The following ACOX3 variants were observed in gnomAD, a reference collection of about 807,000 sequenced individuals.
ACOX3 encodes peroxisomal acyl-coenzyme A oxidase 3.
ACOX3 carries 73 observed loss-of-function variants against 81.5 expected under a neutral mutation model. The observed-to-expected ratio is 0.90, with a 90% confidence interval of 0.74 to 1.09. The LOEUF (loss-of-function observed/expected upper bound fraction) is 1.09, where lower values mean the gene tolerates loss of function less well. Among genes scored for constraint, ACOX3 ranks in the 50% least tolerant of loss-of-function variants. ACOX3 has a pLI of 0.00. For synonymous variants in ACOX3, 387 were observed against 375.1 expected (o/e 1.03, Z -0.37); for missense variants, 947 against 928.0 (o/e 1.02, Z -0.27).
In ACOX3 at chr4:8,389,477, A is replaced by C. The variant is rs935470341; in HGVS notation, c.1423+135T>G. 4 of 1,457,804 alleles carry C rather than the reference A, an allele frequency of 2.7e-6. No homozygotes were observed. In the Admixed American group the frequency reaches 7.4e-5, roughly 27 times the overall value. The allele number at this position is 1,457,804 out of a possible 1,614,324, so 90.3% of individuals were successfully genotyped here. A position where few individuals can be genotyped will look rare whatever the true frequency, so the allele number is the denominator to read the frequency against. ...CCCATGCCTTGGGGAGTTGGTCGGC[A>C]CTATCTAATAACATTTCTTTCCTTC... is the stretch of plus-strand genomic sequence containing the variant. On this transcript the variant is annotated intron_variant, in intron 12 of 17. Coordinates refer to ENST00000356406, the MANE Select transcript of ACOX3 (RefSeq NM_003501.3). The surrounding 1 kb of genome is among the most constrained non-coding windows in gnomAD (Gnocchi z 5.3).
chr4:8,361,996 G>C (rs981693146), downstream of ACOX3, among the ~76,000 whole-genome samples: 1 of 152,134 alleles, frequency 6.6e-6, no homozygotes, highest in African/African-American at 2.4e-5. Flanking sequence ...TAAAATCATT[G>C]CATGCCACAA....
intron 5 of ACOX3, among the ~76,000 whole-genome samples, chr4:8,411,531 C>T (rs1302156359): frequency 6.6e-6 from 1 of 152,188 alleles, no homozygotes; most frequent in African/African-American, 2.4e-5. Flanking sequence ...GCCAGGCCCT[C>T]CCCATTCATT....
chr4:8,357,802 C>T, the ACOX3 span: 1 of 167,138 alleles, frequency 6.0e-6, no homozygotes, highest in African/African-American at 2.4e-5. Context: ...CCACAGACAA[C>T]ACTTTCACAT....
intron 7 of ACOX3, among the ~76,000 whole-genome samples, chr4:8,402,859 C>T (rs1282338601): frequency 1.3e-5 from 2 of 152,212 alleles, no homozygotes; most frequent in African/African-American, 2.4e-5. Context: ...ACACACCCCG[C>T]GCCCTGGACA....
At chr4:8,429,636 C>T (rs553769014) in intron 1 of ACOX3, among the ~76,000 whole-genome samples, 7 of 152,232 alleles carry the variant, frequency 4.6e-5, no homozygotes, top group African/African-American at 1.4e-4. Flanking sequence ...GTCTGGCTCT[C>T]TTAGCGAAGG....
rs114416797 is a variant in ACOX3, at chr4:8,403,945, G to A, written c.776+2010C>T. 7.0e-3 allele frequency among the ~76,000 whole-genome samples: 1,065 copies of A among 152,288 alleles called. 15 individuals carry two copies. Among genetic ancestry groups the A allele is most frequent in the African/African-American group, 0.025 (1,019 of 41,560 alleles). ...GGTGGAGATGCCTGTCGGGCCTTAC[G>A]TGCACACATAGGACACTTCAGTAGA... On this transcript the variant is annotated intron_variant, in intron 7 of 17. Transcript: ENST00000356406.
rs1391921794 is a variant in ACOX3 at position 8,430,747 on chromosome 4, T to C, written c.-15+9901A>G. On this transcript the variant is annotated intron_variant, in intron 1 of 17. Transcript: ENST00000356406. This position sits in a 1 kb window ranked among gnomAD's most constrained non-coding sequence, Gnocchi z 5.2. ...GGCGGGCGCCTGTAATCCCAGCTAC[T>C]TGGGAGGCTGAGGCAAGAGAATCGC... 1.3e-5 allele frequency among the ~76,000 whole-genome samples: 2 copies of C among 152,072 alleles called. No homozygotes were observed. The highest frequency in any genetic ancestry group is 2.4e-5 in the African/African-American group (1 of 41,390).
chr4:8,411,591 A>T (rs1721732926), intron 5 of ACOX3, among the ~76,000 whole-genome samples: 1 of 152,200 alleles, frequency 6.6e-6, no homozygotes, highest in Non-Finnish European at 1.5e-5. Context: ...CATTCTCCGC[A>T]GTGCAGGTGT....
At chr4:8,421,456 C>G (rs11724408) in intron 1 of ACOX3, among the ~76,000 whole-genome samples, 1 of 152,162 alleles carries the variant, frequency 6.6e-6, no homozygotes, top group African/African-American at 2.4e-5. Flanking sequence ...CGGTCAAGAT[C>G]ATGGCGCAGC....
chr4:8,371,057 TAAC>T, intron 16 of ACOX3, 63 bp from the exon 17 acceptor site: 2 of 1,513,448 alleles, frequency 1.3e-6, no homozygotes, highest in South Asian at 2.3e-5. Context: ...GACCAAAGCA[TAAC>T]AGCCCCGTGT....
chr4:8,404,015 C>T lies in ACOX3; in HGVS notation c.776+1940G>A, dbSNP rs115081293. Among the ~76,000 whole-genome samples, 587 of 152,236 alleles carry T rather than the reference C, an allele frequency of 3.9e-3. 4 individuals are homozygous for T. The highest frequency in any genetic ancestry group is 0.014 in the African/African-American group (571 of 41,532). On this transcript the variant is annotated intron_variant, in intron 7 of 17. Coordinates refer to ENST00000356406, the MANE Select transcript of ACOX3 (RefSeq NM_003501.3). Reference sequence around the variant, plus strand: ...CTGCAGAGCCCTGAAAGGGATCAGCCGGGTCTAATAAAAGGATGCAGATTC... The same window carrying T: ...CTGCAGAGCCCTGAAAGGGATCAGCTGGGTCTAATAAAAGGATGCAGATTC...
At chr4:8,387,516 T>G (rs912858678) in intron 13 of ACOX3, among the ~76,000 whole-genome samples, 1 of 152,180 alleles carries the variant, frequency 6.6e-6, no homozygotes, top group Admixed American at 6.5e-5. Context: ...GGTGGCAAAG[T>G]GAAGACATTC....
intron 17 of ACOX3, among the ~76,000 whole-genome samples, chr4:8,367,990 T>TA (rs1232862672): frequency 3.5e-5 from 5 of 143,984 alleles, no homozygotes; most frequent in Non-Finnish European, 3.0e-5. Flanking sequence ...AGATCCTATC[T>TA]CAAAAAAAAA....
the ACOX3 span, among the ~76,000 whole-genome samples, chr4:8,358,950 C>T: frequency 6.6e-3 from 1,007 of 152,164 alleles, 10 homozygotes; most frequent in African/African-American, 0.023. Context: ...TTCTTTCTTG[C>T]GTGAGATCCA....
chr4:8,389,107 G>T lies in ACOX3; in HGVS notation c.1537+66C>A, dbSNP rs1718655732. On this transcript the variant is annotated intron_variant, in intron 13 of 17. Transcript: ENST00000356406. The surrounding 1 kb of genome is among the most constrained non-coding windows in gnomAD (Gnocchi z 5.3). ...CCAAGGGTCCCCTCACCGAGGCACGGTGCGTTTCCTGGTGGGAATGACAGG... is the reference window on the plus strand; with the variant it reads ...CCAAGGGTCCCCTCACCGAGGCACGTTGCGTTTCCTGGTGGGAATGACAGG... The T allele has an allele frequency of 2.9e-6, 4 of 1,382,252 alleles. No individual in the cohort carries two copies. The East Asian group carries it at 9.3e-5, about 32-fold the overall frequency. 85.6% of individuals were successfully genotyped at this position (1,382,252 alleles called of 1,614,324 possible). A position where few individuals can be genotyped will look rare whatever the true frequency, so the allele number is the denominator to read the frequency against.
At chr4:8,435,272 C>T (rs560074155) in intron 1 of ACOX3, among the ~76,000 whole-genome samples, 113 of 152,252 alleles carry the variant, frequency 7.4e-4, no homozygotes, top group African/African-American at 9.6e-4. Flanking sequence ...GGGCAGATCA[C>T]GAGGTCAGGA....
chr4:8,357,685 C>G, the ACOX3 span: 4 of 263,252 alleles, frequency 1.5e-5, no homozygotes, highest in African/African-American at 8.9e-5. Flanking sequence ...TACACCTCAA[C>G]CTACTCCACT....
chr4:8,390,108 C>A (rs62286008), intron 11 of ACOX3, among the ~76,000 whole-genome samples: 43,431 of 128,454 alleles, frequency 0.34, 10,123 homozygotes, highest in African/African-American at 0.65. Flanking sequence ...GTCTCAACAA[C>A]AACAACAACA....
At chr4:8,421,377 C>T (rs760541567) in intron 1 of ACOX3, among the ~76,000 whole-genome samples, 1 of 152,228 alleles carries the variant, frequency 6.6e-6, no homozygotes, top group Non-Finnish European at 1.5e-5. Context: ...TCCACTTTTA[C>T]AGTTTTCTTG....
Sources: gnomAD v4.1 joint callset for allele counts (sites outside exome capture counted in the v4.1 genomes callset) on GRCh38, gnomAD v4.1.1 for gene constraint, Gnocchi (gnomAD v3.1) non-coding constraint, MANE v1.5 for transcripts, NCBI Gene and HGNC (gene_info 2026-07-23, HGNC 2026-07-21) for gene names.